Variants in TOMT observed in about 807,000 individuals in gnomAD.
The protein encoded by TOMT is transmembrane O-methyltransferase.
In TOMT, 23 loss-of-function variants were observed where a neutral mutation model predicts 21.7. The observed-to-expected ratio is 1.06, with a 90% CI of 0.76 to 1.50. The LOEUF is 1.50. TOMT is among the 40% of genes most tolerant of loss of function. The pLI, the probability that TOMT is intolerant of heterozygous loss-of-function variation, is 0.00. For missense variants in TOMT, 331 were observed against 348.7 expected (o/e 0.95, Z 0.41); for synonymous variants, 132 against 150.8 (o/e 0.88, Z 0.91).
At position 72,108,592 on chromosome 11, in the gene TOMT, C is replaced by A. The variant is rs534993150; in HGVS notation, c.457-13C>A. On this transcript the variant is annotated splice_polypyrimidine_tract_variant and intron_variant, in intron 2 of 2. Transcript: ENST00000541899. ...CCCCCCACCCTCACCTCCAGCTCCC[C>A]CTATCCCCACAGGTGGAGCTCATCG... 1 of 1,445,846 alleles carries A rather than the reference C, an allele frequency of 6.9e-7. No homozygotes were observed. Among genetic ancestry groups the A allele is most frequent in the South Asian group, 1.5e-5 (1 of 67,422 alleles). The allele number at this position is 1,445,846 out of a possible 1,614,324, so 89.6% of individuals were successfully genotyped here. A position where few individuals can be genotyped will look rare whatever the true frequency, so the allele number is the denominator to read the frequency against.
exon 3 of TOMT, chr11:72,108,994 C>CAAACAGGAAAGGGAGGGGATTT: frequency 7.3e-7 from 1 of 1,361,984 alleles, no homozygotes; most frequent in Non-Finnish European, 9.8e-7. Context: ...TCAAAATCCC[C>CAAACAGGAAAGGGAGGGGATTT]TCCCTTTCCT....
At position 72,109,023 on chromosome 11, in the gene TOMT, C is replaced by T. The variant is rs1187228655; in HGVS notation, c.*98C>T. ...CTTTCCTGTTTGGGGCCTTGACACA[C>T]GCTGGGCTCAGGGCTAGGGAGTCTC... is the stretch of plus-strand genomic sequence containing the variant. On this transcript the variant is annotated 3_prime_UTR_variant, in exon 3 of 3. Coordinates refer to ENST00000541899, the Ensembl canonical transcript of TOMT. The T allele has an allele frequency of 3.7e-6, 4 of 1,086,834 alleles. No individual in the cohort carries two copies. In the African/African-American group the frequency reaches 4.8e-5, roughly 13 times the overall value. The allele number at this position is 1,086,834 out of a possible 1,614,324, so 67.3% of individuals were successfully genotyped here. A position where few individuals can be genotyped will look rare whatever the true frequency, so the allele number is the denominator to read the frequency against.
chr11:72,108,143 C>A, intron 2 of TOMT, 24 bp downstream of exon 2: 2 of 1,473,574 alleles, frequency 1.4e-6, no homozygotes, highest in African/African-American at 2.8e-5. Flanking sequence ...CTCCCCAACC[C>A]AGATTTTTGT....
intron 1 of TOMT, chr11:72,107,626 C>G (rs568702250): frequency 1.5e-6 from 1 of 661,882 alleles, no homozygotes; most frequent in South Asian, 1.7e-5. Flanking sequence ...AGGATAGGAT[C>G]AGGTCCAAGG....
At chr11:72,107,409 A>T in intron 1 of TOMT, 1 of 699,912 alleles carries the variant, frequency 1.4e-6, no homozygotes, top group Middle Eastern at 2.3e-4. Context: ...CTGGGACTTC[A>T]TGGAGAAAGA....
chr11:72,106,866 A>T (rs999600344), intron 1 of TOMT: 5 of 151,376 alleles, frequency 3.3e-5, no homozygotes, highest in African/African-American at 1.2e-4. Flanking sequence ...GCTTGAGCCC[A>T]GGAGGCTGAG....
rs1945884717 is a variant in TOMT at position 72,108,066 on chromosome 11, A to G, written c.403A>G (p.Thr135Ala). 2 of 1,543,184 alleles carry G rather than the reference A, an allele frequency of 1.3e-6. No individual in the cohort carries two copies. Among genetic ancestry groups the G allele is most frequent in the Non-Finnish European group, 1.8e-6 (2 of 1,141,288 alleles). ...TCTTACTGTGGAGCGGGACCCACGC[A>G]CGGCAGCAGTGGCTGAAAAACTCAT... The change falls in exon 2 of 3, where the codon ACG (threonine) becomes GCG (alanine). Residue 135 changes from threonine to alanine, a missense_variant. Coordinates refer to ENST00000541899, the Ensembl canonical transcript of TOMT.
At chr11:72,109,084 G>C in exon 3 of TOMT, 1 of 636,424 alleles carries the variant, frequency 1.6e-6, no homozygotes, top group South Asian at 2.1e-5. Flanking sequence ...CCTCTACACT[G>C]ACCTCAAGTG....
At chr11:72,106,202 C>T (rs1179859433) in exon 1 of TOMT, 1 of 1,494,410 alleles carries the variant, frequency 6.7e-7, no homozygotes, top group Admixed American at 2.1e-5. Flanking sequence ...CACATGGGGC[C>T]TGTCAAAGGT....
intron 2 of TOMT, among the ~76,000 whole-genome samples, 184 bp downstream of exon 2, chr11:72,108,303 G>A (rs1945927819): frequency 6.6e-6 from 1 of 152,228 alleles, no homozygotes; most frequent in Non-Finnish European, 1.5e-5. Context: ...TCTGCCGGAT[G>A]ACGAAAGAAA....
chr11:72,108,070 C>T, exon 2 of TOMT: 1 of 1,541,646 alleles, frequency 6.5e-7, no homozygotes, highest in Non-Finnish European at 8.8e-7. Flanking sequence ...CCACGCACGG[C>T]AGCAGTGGCT....
At chr11:72,108,736 G>A in exon 3 of TOMT, 1 of 1,550,442 alleles carries the variant, frequency 6.4e-7, no homozygotes, top group Non-Finnish European at 8.7e-7. Flanking sequence ...AGCTGCTGGA[G>A]GCCCATGCCC....
chr11:72,108,896 G>A, exon 3 of TOMT: 1 of 1,548,250 alleles, frequency 6.5e-7, no homozygotes, highest in Non-Finnish European at 8.7e-7. Flanking sequence ...GGATGGAATA[G>A]CTCAGCTCAC....
rs397516627 is a variant in TOMT, at chr11:72,108,721, C to G, written c.573C>G (p.Asp191Glu). 1 of 1,550,032 alleles carries G rather than the reference C, an allele frequency of 6.5e-7. No homozygotes were observed. ...ACCGGCCACGATGTTACCTGAGGGA[C>G]CTGCAGCTGCTGGAGGCCCATGCCC... The change falls in exon 3 of 3, where the codon GAC (aspartate) becomes GAG (glutamate). Residue 191 changes from aspartate (D) to glutamate (E), a missense_variant. Physicochemically the swap from Asp to Glu is conservative, Grantham distance 45. Transcript: ENST00000541899.
downstream of TOMT, chr11:72,109,550 C>T (rs1946137515): frequency 9.0e-6 from 4 of 442,336 alleles, no homozygotes; most frequent in Admixed American, 3.5e-5. Flanking sequence ...TGCTGGACTC[C>T]TCTGGGCCCC....
At chr11:72,108,368 G>C (rs1370819086) in intron 2 of TOMT, among the ~76,000 whole-genome samples, 1 of 152,202 alleles carries the variant, frequency 6.6e-6, no homozygotes, top group Non-Finnish European at 1.5e-5. Context: ...CTCTTACTCT[G>C]CCTCTTGTTA....
chr11:72,108,837 ACC>A lies in TOMT; in HGVS notation c.690_691del (p.Tyr230Ter). On this transcript the variant is annotated stop_gained and frameshift_variant, in exon 3 of 3. Coordinates refer to ENST00000541899, the Ensembl canonical transcript of TOMT. LOFTEE classifies it high-confidence loss of function. ...CAGTATGCTAAGAGCTGTGGCCGCT[ACC>A]GCTGCCGCCTCCACCACACTGGCCT... 6.4e-7 allele frequency: 1 copy of A among 1,550,682 alleles called. No individual in the cohort carries two copies. Among genetic ancestry groups the A allele is most frequent in the South Asian group, 1.2e-5 (1 of 84,058 alleles).
At chr11:72,108,772 G>A (rs1946004100) in exon 3 of TOMT, 4 of 1,550,330 alleles carry the variant, frequency 2.6e-6, no homozygotes, top group African/African-American at 1.4e-5. Context: ...CCACCGTGCT[G>A]GCTGACCATG....
chr11:72,109,339 A>AT, downstream of TOMT: 1 of 465,220 alleles, frequency 2.1e-6, no homozygotes, highest in South Asian at 1.5e-5. Context: ...AGCCCATGCC[A>AT]TTCTGGGTGG....
Sources: allele counts gnomAD v4.1 joint callset (sites outside exome capture counted in the v4.1 genomes callset), GRCh38; gene constraint gnomAD v4.1.1; transcripts MANE v1.5; gene names NCBI Gene and HGNC (gene_info 2026-07-23, HGNC 2026-07-21).